PIBF1: variants seen among roughly 807,000 people sequenced by gnomAD.
PIBF1 encodes progesterone-induced-blocking factor 1.
PIBF1 carries 90 observed loss-of-function variants against 112.5 expected under a neutral mutation model. The observed-to-expected ratio is 0.80, with a 90% CI of 0.67 to 0.95. The LOEUF (loss-of-function observed/expected upper bound fraction) is 0.95. Among genes scored for constraint, PIBF1 ranks in the 40% least tolerant of loss-of-function variants. The pLI, the probability that PIBF1 is intolerant of heterozygous loss-of-function variation, is 0.00. For missense variants in PIBF1, 915 were observed against 852.3 expected, an observed-to-expected ratio of 1.07 and a Z score of -0.92; for synonymous variants, 301 against 288.6, an observed-to-expected ratio of 1.04 and a Z score of -0.44.
chr13:72,952,340 C>T (rs1307786577), intron 14 of PIBF1, among the ~76,000 whole-genome samples: 1 of 152,132 alleles, frequency 6.6e-6, no homozygotes, highest in South Asian at 2.1e-4. Flanking sequence ...AGGCGTGAAC[C>T]ACCATGCCCG....
chr13:72,856,103 G>A (rs902763886), intron 10 of PIBF1, among the ~76,000 whole-genome samples: 1 of 152,122 alleles, frequency 6.6e-6, no homozygotes, highest in Non-Finnish European at 1.5e-5. Context: ...ATTTGCAACT[G>A]ATGTTCATCC....
chr13:72,821,646 C>T (rs957126104), intron 5 of PIBF1, among the ~76,000 whole-genome samples: 1 of 152,078 alleles, frequency 6.6e-6, no homozygotes, highest in African/African-American at 2.4e-5. Context: ...AAGTTTTAAA[C>T]AACTGAGTTT....
chr13:72,989,224 A>G (rs951524653), intron 16 of PIBF1, among the ~76,000 whole-genome samples: 8 of 152,210 alleles, frequency 5.3e-5, no homozygotes, highest in African/African-American at 1.9e-4. Flanking sequence ...AAAGAAATTG[A>G]AACATATCCA....
chr13:72,919,974 C>CA (rs1399350455), intron 13 of PIBF1, among the ~76,000 whole-genome samples: 1 of 151,672 alleles, frequency 6.6e-6, no homozygotes, highest in Non-Finnish European at 1.5e-5. Context: ...ACTCTGTCTC[C>CA]AAAAAAAGAA....
At chr13:72,994,826 A>G (rs1453082739) in intron 16 of PIBF1, among the ~76,000 whole-genome samples, 4 of 152,190 alleles carry the variant, frequency 2.6e-5, no homozygotes. Flanking sequence ...ATGTTTTCTA[A>G]TTATTGCCTG....
At chr13:72,947,393 AG>A (rs1255863921) in intron 14 of PIBF1, among the ~76,000 whole-genome samples, 4 of 152,092 alleles carry the variant, frequency 2.6e-5, no homozygotes, top group Non-Finnish European at 5.9e-5. Context: ...TTTCTCTCCT[AG>A]GGCTCCAGGC....
intron 11 of PIBF1, among the ~76,000 whole-genome samples, chr13:72,905,100 A>G (rs746163421): frequency 6.3e-5 from 6 of 95,450 alleles, no homozygotes; most frequent in African/African-American, 1.4e-4. Flanking sequence ...GTCTCACTCT[A>G]TCTGTCACCC....
At chr13:72,873,715 C>T (rs1465240126) in intron 10 of PIBF1, among the ~76,000 whole-genome samples, 1 of 151,792 alleles carries the variant, frequency 6.6e-6, no homozygotes, top group African/African-American at 2.4e-5. Context: ...GATATTCCAA[C>T]TTGGCTGGTA....
At chr13:72,825,127 A>C (rs962445302) in intron 6 of PIBF1, among the ~76,000 whole-genome samples, 1 of 152,190 alleles carries the variant, frequency 6.6e-6, no homozygotes, top group Non-Finnish European at 1.5e-5. Flanking sequence ...AGATTATAAT[A>C]TGATGATAAT....
chr13:73,012,293 A>G (rs546651178), intron 17 of PIBF1, among the ~76,000 whole-genome samples: 17 of 152,258 alleles, frequency 1.1e-4, no homozygotes, highest in Admixed American at 3.3e-4. Flanking sequence ...CCAAGGTTGC[A>G]GTGAGCCGAG....
chr13:72,941,213 T>G (rs534345505), intron 14 of PIBF1, among the ~76,000 whole-genome samples: 28 of 152,348 alleles, frequency 1.8e-4, no homozygotes, highest in Non-Finnish European at 4.0e-4. Context: ...GTTGTTTTAT[T>G]AGTTGGTCCA....
intron 14 of PIBF1, among the ~76,000 whole-genome samples, chr13:72,962,526 G>GAGGT (rs759949798): frequency 2.6e-5 from 4 of 151,778 alleles, no homozygotes; most frequent in Non-Finnish European, 4.4e-5. Context: ...TTGAGCCCAG[G>GAGGT]AGGTAGGCTG....
chr13:72,901,349 A>G (rs947367514), intron 11 of PIBF1, among the ~76,000 whole-genome samples: 2 of 152,176 alleles, frequency 1.3e-5, no homozygotes, highest in African/African-American at 4.8e-5. Flanking sequence ...CAAAACCACG[A>G]TACAGTACCC....
At chr13:73,015,382 C>G (rs1351894337) in intron 17 of PIBF1, among the ~76,000 whole-genome samples, 1 of 152,198 alleles carries the variant, frequency 6.6e-6, no homozygotes, top group Non-Finnish European at 1.5e-5. Flanking sequence ...TTCTGTACAG[C>G]CTGTCGCCTT....
chr13:72,898,732 C>G (rs896908587), intron 11 of PIBF1, among the ~76,000 whole-genome samples: 6 of 150,836 alleles, frequency 4.0e-5, no homozygotes, highest in Admixed American at 3.3e-4. Flanking sequence ...CCTGTAATCC[C>G]AGCTACTCAG....
intron 5 of PIBF1, among the ~76,000 whole-genome samples, chr13:72,805,458 T>C (rs1310921627): frequency 6.6e-6 from 1 of 152,168 alleles, no homozygotes; most frequent in Non-Finnish European, 1.5e-5. Context: ...TACTAACTTT[T>C]AATAAGACAT....
At chr13:72,947,861 A>G (rs2042191181) in intron 14 of PIBF1, among the ~76,000 whole-genome samples, 1 of 152,372 alleles carries the variant, frequency 6.6e-6, no homozygotes. Context: ...GATAGGCTGG[A>G]TAAAGAAAAT....
At chr13:72,877,994 C>A (rs2039479208) in intron 10 of PIBF1, among the ~76,000 whole-genome samples, 1 of 152,060 alleles carries the variant, frequency 6.6e-6, no homozygotes, top group Non-Finnish European at 1.5e-5. Context: ...GGTGATCCGC[C>A]CACCTCGGCC....
intron 9 of PIBF1, among the ~76,000 whole-genome samples, chr13:72,850,752 A>T (rs1361108774): frequency 8.6e-6 from 1 of 116,058 alleles, no homozygotes; most frequent in Non-Finnish European, 1.8e-5. Flanking sequence ...ATAAATGTTT[A>T]ATATAGTTTG....
Sources: allele counts gnomAD v4.1 joint callset (sites outside exome capture counted in the v4.1 genomes callset), GRCh38; gene constraint gnomAD v4.1.1; transcripts MANE v1.5; gene names NCBI Gene and HGNC (gene_info 2026-07-23, HGNC 2026-07-21).